GTPBP2: variants seen among roughly 807,000 people sequenced by gnomAD.
GTPBP2 encodes the protein GTP binding protein 2.
GTPBP2 carries 32 observed loss-of-function variants against 63.0 expected under a neutral mutation model. The ratio of observed to expected loss-of-function variants is 0.51; its 90% confidence interval spans 0.38 to 0.68. The LOEUF is 0.68. Ranked by LOEUF, GTPBP2 falls within the 30% of genes least tolerant of loss-of-function variation. The pLI is 0.00. For missense variants in GTPBP2, 492 were observed against 796.9 expected (o/e 0.62, Z 4.61); for synonymous variants, 310 against 322.6 (o/e 0.96, Z 0.42).
At chr6:43,628,397 A>G (rs1194499960) in intron 1 of GTPBP2, 1 of 183,674 alleles carries the variant, frequency 5.4e-6, no homozygotes, top group Non-Finnish European at 1.0e-5. Context: ...AAAAAATAAA[A>G]TTGGCCAGGC....
intron 1 of GTPBP2, among the ~76,000 whole-genome samples, chr6:43,627,543 G>A (rs900698942): frequency 3.3e-5 from 5 of 152,316 alleles, no homozygotes; most frequent in Non-Finnish European, 7.4e-5. Flanking sequence ...CTCAGAAAAT[G>A]TAATGAAGCG....
At chr6:43,629,658 A>G (rs1769771215), upstream of GTPBP2, 5 of 1,373,364 alleles carry the variant, frequency 3.6e-6, no homozygotes, top group Non-Finnish European at 3.0e-6. Flanking sequence ...CGCGGATCCT[A>G]GACAACAGGT....
intron 11 of GTPBP2, 65 bp from the exon 12 acceptor site, chr6:43,621,855 C>A: frequency 6.2e-7 from 1 of 1,611,604 alleles, no homozygotes; most frequent in Non-Finnish European, 8.5e-7. Context: ...CCAGCCGTGG[C>A]TCTCCACCCT....
upstream of GTPBP2, chr6:43,629,879 C>A (rs1769787996): frequency 3.0e-6 from 4 of 1,334,556 alleles, no homozygotes; most frequent in Admixed American, 5.0e-5. Flanking sequence ...GCTTTATTAC[C>A]AGGCTGGCAC....
chr6:43,623,754 A>C lies in GTPBP2; in HGVS notation c.1278T>G (p.Val426=). The C allele has an allele frequency of 6.2e-7, 1 of 1,613,256 alleles. No homozygotes were observed. Among genetic ancestry groups the C allele is most frequent in the Non-Finnish European group, 8.5e-7 (1 of 1,179,174 alleles). Residue 426 remains valine (V), a synonymous_variant, in exon 9 of 12, where the codon GTT becomes GTG. Transcript: ENST00000307126. ...IYTVPEVGTV[V]GGTLSSGICR... ...CAATTTACCTGGAAAGTGTTCCTCC[A>C]ACAACAGTCCCCACCTCTGGTACTG...
upstream of GTPBP2, among the ~76,000 whole-genome samples, chr6:43,630,801 CGGGA>C (rs1177230653): frequency 6.9e-6 from 1 of 145,256 alleles, no homozygotes; most frequent in Non-Finnish European, 1.5e-5. Flanking sequence ...CCCAGCTGCT[CGGGA>C]GACTGAGGCA....
upstream of GTPBP2, among the ~76,000 whole-genome samples, chr6:43,630,741 T>TAA (rs200805129): frequency 5.0e-5 from 6 of 118,970 alleles, no homozygotes; most frequent in South Asian, 2.6e-4. Context: ...AGACTCCAAC[T>TAA]AAAAAAAAAA....
In GTPBP2 at chr6:43,620,636, G is replaced by A. The variant is rs1252221897; in HGVS notation, c.*978C>T. The A allele has an allele frequency of 6.5e-6, 1 of 152,914 alleles. No individual in the cohort carries two copies. The highest frequency in any genetic ancestry group is 1.5e-5 in the Non-Finnish European group (1 of 68,874). 9.5% of individuals were successfully genotyped at this position (152,914 alleles called of 1,614,324 possible). A position where few individuals can be genotyped will look rare whatever the true frequency, so the allele number is the denominator to read the frequency against. On this transcript the variant is annotated 3_prime_UTR_variant, in exon 12 of 12. Transcript: ENST00000307126. ...ACCCAGGACACTAACAAAGGGAAAG[G>A]AGAGTCCATGCCTAAAGAGTAGGAA...
chr6:43,630,563 C>G (rs539904916), upstream of GTPBP2, among the ~76,000 whole-genome samples: 13 of 152,048 alleles, frequency 8.5e-5, no homozygotes, highest in South Asian at 2.3e-3. Flanking sequence ...GCCAACACAG[C>G]GAAACCCCGT....
chr6:43,626,396 A>G lies in GTPBP2; in HGVS notation c.228T>C (p.Asn76=). Residue 76 remains asparagine, a synonymous_variant, in exon 3 of 12, where the codon AAT becomes AAC. Transcript: ENST00000307126. The surrounding 1 kb of genome is among the most constrained non-coding windows in gnomAD (Gnocchi z 4.0). ...GGTGCTCAAAGCGGTACTGGGATGGATTCACCAGCTTCAACTTAGGGCAAG... is the reference window on the plus strand; with the variant it reads ...GGTGCTCAAAGCGGTACTGGGATGGGTTCACCAGCTTCAACTTAGGGCAAG... The part of the protein sequence containing the change: ...GNIEYKLKLV[N]PSQYRFEHLV... 6.2e-7 allele frequency: 1 copy of G among 1,614,038 alleles called. No homozygotes were observed. The highest frequency in any genetic ancestry group is 8.5e-7 in the Non-Finnish European group (1 of 1,179,942).
In GTPBP2 at chr6:43,622,601, C is replaced by A; in HGVS notation, c.1467+32G>T. The A allele has an allele frequency of 6.3e-7, 1 of 1,585,686 alleles. No individual in the cohort carries two copies. Among genetic ancestry groups the A allele is most frequent in the African/African-American group, 1.3e-5 (1 of 74,574 alleles). ...CCAGTCTCCTAGGCACTTCTCTTAG[C>A]GTTCCCTCCCCAACCCATGCACCCA... On this transcript the variant is annotated intron_variant, in intron 10 of 11. Transcript: ENST00000307126. The surrounding 1 kb of genome is among the most constrained non-coding windows in gnomAD (Gnocchi z 5.4).
upstream of GTPBP2, among the ~76,000 whole-genome samples, chr6:43,630,110 G>A (rs550572044): frequency 6.6e-6 from 1 of 152,342 alleles, no homozygotes; most frequent in South Asian, 2.1e-4. Context: ...CGGGGCTAGG[G>A]CTCGGGTTAC....
In GTPBP2 at chr6:43,622,003, C is replaced by T; in HGVS notation, c.1632G>A (p.Lys544=). Residue 544 remains lysine, a splice_region_variant and synonymous_variant, in exon 11 of 12, where the codon AAG becomes AAA. Transcript: ENST00000307126. This position sits in a 1 kb window ranked among gnomAD's most constrained non-coding sequence, Gnocchi z 5.4. ...AAATGGAAGGCCAGGTCCCTCTCAC[C>T]TTGGCATGGATCTTTTCCACCACTG... ...QTAVVEKIHA[K]DKLRTGEKAV... is the part of the protein sequence containing the mutation. The T allele has an allele frequency of 6.2e-7, 1 of 1,614,204 alleles. No individual in the cohort carries two copies. The highest frequency in any genetic ancestry group is 8.5e-7 in the Non-Finnish European group (1 of 1,180,028).
At chr6:43,621,900 G>A in intron 11 of GTPBP2, 103 bp downstream of exon 11, 2 of 1,598,750 alleles carry the variant, frequency 1.3e-6, no homozygotes, top group Non-Finnish European at 8.6e-7. Flanking sequence ...CACCCTAAGT[G>A]GGGTTTTATT....
intron 8 of GTPBP2, 46 bp downstream of exon 8, chr6:43,623,887 C>T: frequency 6.2e-7 from 1 of 1,612,984 alleles, no homozygotes; most frequent in African/African-American, 1.3e-5. Flanking sequence ...TCTGAAGCAG[C>T]CCCTCCCTGT....
Position 43,626,085 on chromosome 6 carries a change from C to T in GTPBP2, c.398+141G>A, listed in dbSNP as rs112875464. On this transcript the variant is annotated intron_variant, in intron 3 of 11. Transcript: ENST00000307126. The surrounding 1 kb of genome is among the most constrained non-coding windows in gnomAD (Gnocchi z 4.0). Reference sequence around the variant, plus strand: ...AGCCTAGGTCCAGTGAGGAGGGGACCAAAACACTAACCCTCCCCACTTCAG... The same window carrying T: ...AGCCTAGGTCCAGTGAGGAGGGGACTAAAACACTAACCCTCCCCACTTCAG... 2.4e-6 allele frequency: 2 copies of T among 845,182 alleles called. No homozygotes were observed. The highest frequency in any genetic ancestry group is 1.7e-5 in the African/African-American group (1 of 59,312). 52.4% of individuals were successfully genotyped at this position (845,182 alleles called of 1,614,324 possible). A position where few individuals can be genotyped will look rare whatever the true frequency, so the allele number is the denominator to read the frequency against.
Position 43,623,973 on chromosome 6 carries a change from T to C in GTPBP2, c.1196A>G (p.Lys399Arg). 6.2e-7 allele frequency: 1 copy of C among 1,614,160 alleles called. No individual in the cohort carries two copies. Among genetic ancestry groups the C allele is most frequent in the Non-Finnish European group, 8.5e-7 (1 of 1,180,006 alleles). The change falls in exon 8 of 12, where the codon AAA (lysine) becomes AGA (arginine). Residue 399 changes from lysine (K) to arginine (R), a missense_variant. By Grantham distance (26) the Lys-to-Arg change is conservative. Transcript: ENST00000307126. ...CTGCTGCATGAGTTCCTCCTGCTCTTTGCTGTTGGTGAGTGGCGGCAGAAT... is the reference window on the plus strand; with the variant it reads ...CTGCTGCATGAGTTCCTCCTGCTCTCTGCTGTTGGTGAGTGGCGGCAGAAT... Reference protein sequence around the residue: ...LNILPPLTNSKEQEELMQQLT... With the variant: ...LNILPPLTNSREQEELMQQLT...
rs146351598 is a variant in GTPBP2 at position 43,627,145 on chromosome 6, G to A, written c.187-197C>T. On this transcript the variant is annotated intron_variant, in intron 1 of 11. Transcript: ENST00000307126. ...CCAGCATAGCCTCTATGAAGGGAAG[G>A]CCTATAAGGACACAAGGAGTCACCC... 1.0e-3 allele frequency: 637 copies of A among 621,992 alleles called. 6 individuals carry two copies. In the African/African-American group the frequency reaches 0.011, roughly 11 times the overall value. 38.5% of individuals were successfully genotyped at this position (621,992 alleles called of 1,614,324 possible).
Position 43,621,666 on chromosome 6 carries a change from G to C in GTPBP2, c.1757C>G (p.Thr586Ser), listed in dbSNP as rs560676762. The stretch of plus-strand genomic sequence containing the variant: ...TCCTGCTGTAATGGCTTGTACATCA[G>C]TGACATGGCCGATGCCCTTGGTGAC... ...EGVTKGIGHV[T>S]DVQAITAGEA... Residue 586 changes from threonine to serine, a missense_variant, in exon 12 of 12, where the codon ACT becomes AGT. Thr to Ser is a moderately conservative substitution (Grantham distance 58). Coordinates refer to ENST00000307126, the MANE Select transcript of GTPBP2 (RefSeq NM_019096.5). The C allele has an allele frequency of 1.4e-5, 22 of 1,614,188 alleles. No homozygotes were observed. The East Asian group carries it at 4.5e-4, about 33-fold the overall frequency.
Sources: allele counts gnomAD v4.1 joint callset (sites outside exome capture counted in the v4.1 genomes callset), GRCh38; gene constraint gnomAD v4.1.1; non-coding constraint Gnocchi (gnomAD v3.1); transcripts MANE v1.5; gene names NCBI Gene and HGNC (gene_info 2026-07-23, HGNC 2026-07-21).